Variants in ZNF140 observed in about 807,000 individuals in gnomAD.
The protein encoded by ZNF140 is zinc finger protein 140 (clone pHZ-39).
In ZNF140, 13 loss-of-function variants were observed where a neutral mutation model predicts 12.9. That is an observed-to-expected ratio of 1.01 (90% CI 0.66 to 1.60). The LOEUF is 1.60. ZNF140 is among the 40% of genes most tolerant of loss of function. The pLI, the probability that ZNF140 is intolerant of heterozygous loss-of-function variation, is 0.00. For missense variants in ZNF140, 531 were observed against 548.8 expected, an observed-to-expected ratio of 0.97 and a Z score of 0.32; for synonymous variants, 214 against 186.7, an observed-to-expected ratio of 1.15 and a Z score of -1.19.
chr12:133,102,603 G>C (rs1593800342), intron 4 of ZNF140, among the ~76,000 whole-genome samples: 1 of 152,012 alleles, frequency 6.6e-6, no homozygotes, highest in Non-Finnish European at 1.5e-5. Context: ...TAAACCATTA[G>C]CCAGGCGTGG....
chr12:133,101,330 G>A (rs1955337651), intron 4 of ZNF140, among the ~76,000 whole-genome samples: 1 of 151,898 alleles, frequency 6.6e-6, no homozygotes, highest in Non-Finnish European at 1.5e-5. Flanking sequence ...ACAGTTCTTG[G>A]ATAATCTGTT....
upstream of ZNF140, chr12:133,080,569 C>CGG (rs1174682140): frequency 6.6e-6 from 1 of 152,336 alleles, no homozygotes; most frequent in Non-Finnish European, 1.5e-5. Context: ...TACTCTTCCG[C>CGG]GGGGGGCCGC....
Position 133,107,168 on chromosome 12 carries a change from T to TTAA in ZNF140, c.*520_*522dup, listed in dbSNP as rs1162215830. 2 of 152,494 alleles carry TTAA rather than the reference T, an allele frequency of 1.3e-5. No homozygotes were observed. The highest frequency in any genetic ancestry group is 4.8e-5 in the African/African-American group (2 of 41,460). The allele number at this position is 152,494 out of a possible 1,614,324, so 9.4% of individuals were successfully genotyped here. ...TCATTTACAATGCAATACTTACATT[T>TTAA]TAATACTCTTGTAGGAGAAAAAGCA... is the stretch of plus-strand genomic sequence containing the variant. On this transcript the variant is annotated 3_prime_UTR_variant, in exon 5 of 5. Coordinates refer to ENST00000355557, the MANE Select transcript of ZNF140 (RefSeq NM_003440.4).
intron 3 of ZNF140, 75 bp from the exon 4 acceptor site, chr12:133,083,391 C>A (rs76906414): frequency 2.9e-5 from 44 of 1,539,742 alleles, no homozygotes; most frequent in Non-Finnish European, 8.8e-6. Context: ...TAAAAACTTA[C>A]ATCTGACATT....
chr12:133,084,292 G>C (rs991850056), intron 4 of ZNF140: 45 of 329,274 alleles, frequency 1.4e-4, no homozygotes, highest in South Asian at 5.2e-4. Context: ...ACCTTGAAAA[G>C]ATTAATTCAT....
chr12:133,106,508 A>C lies in ZNF140; in HGVS notation c.1231A>C (p.Lys411Gln). The C allele has an allele frequency of 6.2e-7, 1 of 1,614,114 alleles. No individual in the cohort carries two copies. Among genetic ancestry groups the C allele is most frequent in the Non-Finnish European group, 8.5e-7 (1 of 1,180,016 alleles). The part of the protein sequence containing the change: ...ILHQRTHTGE[K>Q]PYVCKVCNKS... ...ACATCAGAGAACTCATACTGGAGAG[A>C]AACCCTATGTATGTAAGGTATGCAA... Residue 411 changes from lysine (K) to glutamine (Q), a missense_variant, in exon 5 of 5, where the codon AAA (lysine) becomes CAA (glutamine). By Grantham distance (53) the Lys-to-Gln change is moderately conservative (BLOSUM62 1). Transcript: ENST00000355557.
chr12:133,081,672 G>A, intron 2 of ZNF140: 1 of 427,842 alleles, frequency 2.3e-6, no homozygotes, highest in Middle Eastern at 3.5e-4. Context: ...ATGTGGGCGG[G>A]GTTTCTGACC....
At chr12:133,093,879 G>A (rs1470945668) in intron 4 of ZNF140, among the ~76,000 whole-genome samples, 3 of 149,930 alleles carry the variant, frequency 2.0e-5, no homozygotes, top group Non-Finnish European at 4.4e-5. Context: ...CCTTTTACAC[G>A]ATCTCTCTCG....
At chr12:133,089,853 C>CT (rs201164780) in intron 4 of ZNF140, among the ~76,000 whole-genome samples, 5,881 of 138,484 alleles carry the variant, frequency 0.042, 161 homozygotes, top group South Asian at 0.13. Flanking sequence ...AATATTTGTG[C>CT]TTTTTTTTTT....
At chr12:133,099,750 T>C (rs1004502155) in intron 4 of ZNF140, among the ~76,000 whole-genome samples, 1 of 152,202 alleles carries the variant, frequency 6.6e-6, no homozygotes, top group South Asian at 2.1e-4. Flanking sequence ...CCTTTCTTCA[T>C]GTAGGTCTGA....
intron 4 of ZNF140, among the ~76,000 whole-genome samples, chr12:133,085,449 G>C (rs1371798991): frequency 6.6e-6 from 1 of 152,152 alleles, no homozygotes; most frequent in Non-Finnish European, 1.5e-5. Flanking sequence ...TACATGTACA[G>C]CTTAATAAAT....
At chr12:133,103,028 CTTT>C (rs58386661) in intron 4 of ZNF140, among the ~76,000 whole-genome samples, 1,939 of 152,082 alleles carry the variant, frequency 0.013, 42 homozygotes, top group African/African-American at 0.044. Context: ...ATTTTTTCTT[CTTT>C]TTAATTGACA....
In ZNF140 at chr12:133,106,427, C is replaced by T; in HGVS notation, c.1150C>T (p.Pro384Ser). The T allele has an allele frequency of 6.2e-7, 1 of 1,614,072 alleles. No homozygotes were observed. Among genetic ancestry groups the T allele is most frequent in the Non-Finnish European group, 8.5e-7 (1 of 1,180,008 alleles). Residue 384 changes from proline (P) to serine (S), a missense_variant, in exon 5 of 5, where the codon CCC (proline) becomes TCC (serine). Pro to Ser is a moderately conservative substitution (Grantham distance 74, BLOSUM62 -1). Transcript: ENST00000355557. Reference protein sequence around the residue: ...QHTKSHTGEKPYACAECDKAF... With the variant: ...QHTKSHTGEKSYACAECDKAF... Reference sequence around the variant, plus strand: ...TACGAAGAGTCACACTGGAGAGAAACCCTATGCGTGTGCTGAATGTGATAA... The same window carrying T: ...TACGAAGAGTCACACTGGAGAGAAATCCTATGCGTGTGCTGAATGTGATAA...
At chr12:133,083,015 A>G in intron 2 of ZNF140, 88 bp from the exon 3 acceptor site, 3 of 1,597,746 alleles carry the variant, frequency 1.9e-6, no homozygotes, top group East Asian at 2.2e-5. Flanking sequence ...ACATTGCCTA[A>G]CCTCCACAGT....
At chr12:133,092,805 G>A (rs1333601828) in intron 4 of ZNF140, among the ~76,000 whole-genome samples, 3 of 151,198 alleles carry the variant, frequency 2.0e-5, no homozygotes, top group South Asian at 2.1e-4. Context: ...AATTGGCCTC[G>A]AGGGGCCCAG....
At chr12:133,102,840 A>C (rs867212485) in intron 4 of ZNF140, among the ~76,000 whole-genome samples, 45 of 152,250 alleles carry the variant, frequency 3.0e-4, no homozygotes, top group African/African-American at 1.0e-3. Flanking sequence ...TCTACTAAAA[A>C]GAGTATGGAG....
At chr12:133,100,574 A>G (rs1311465403) in intron 4 of ZNF140, among the ~76,000 whole-genome samples, 2 of 152,140 alleles carry the variant, frequency 1.3e-5, no homozygotes, top group Non-Finnish European at 2.9e-5. Context: ...TTTCTTCTTC[A>G]TATGAATAGA....
intron 4 of ZNF140, among the ~76,000 whole-genome samples, chr12:133,102,571 A>G (rs1336729410): frequency 2.6e-5 from 4 of 151,986 alleles, no homozygotes; most frequent in Admixed American, 6.6e-5. Context: ...ACTAAGATAC[A>G]TAAGTAAATA....
intron 4 of ZNF140, among the ~76,000 whole-genome samples, chr12:133,103,369 C>G (rs965785157): frequency 6.6e-6 from 1 of 152,160 alleles, no homozygotes; most frequent in Non-Finnish European, 1.5e-5. Context: ...AGCAGTCCTT[C>G]CAGGTCACTC....
Sources: allele counts gnomAD v4.1 joint callset (sites outside exome capture counted in the v4.1 genomes callset), GRCh38; gene constraint gnomAD v4.1.1; transcripts MANE v1.5; gene names NCBI Gene and HGNC (gene_info 2026-07-23, HGNC 2026-07-21).